The following RARB variants were observed in gnomAD, a reference collection of about 807,000 sequenced individuals.
RARB encodes the protein HBV-activated protein.
RARB carries 17 observed loss-of-function variants against 51.9 expected under a neutral mutation model. That is an observed-to-expected ratio of 0.33 (90% confidence interval 0.22 to 0.49). The LOEUF (loss-of-function observed/expected upper bound fraction) is 0.49. Among genes scored for constraint, RARB ranks in the 20% least tolerant of loss-of-function variants. RARB has a pLI of 0.99. For missense variants in RARB, 369 were observed against 550.8 expected, an observed-to-expected ratio of 0.67 and a Z score of 3.30; for synonymous variants, 215 against 195.4, an observed-to-expected ratio of 1.10 and a Z score of -0.84.
chr3:24,877,346 C>CTTTTTTTTTTTTTTTTTT lies in RARB; in HGVS notation c.-380+18611_-380+18612insTTTTTTTTTTTTTTTTTT, dbSNP rs66976672. Among the ~76,000 whole-genome samples, 196 of 81,876 alleles carry CTTTTTTTTTTTTTTTTTT rather than the reference C, an allele frequency of 2.4e-3. 30 individuals are homozygous for CTTTTTTTTTTTTTTTTTT. Among genetic ancestry groups the CTTTTTTTTTTTTTTTTTT allele is most frequent in the African/African-American group, 6.2e-3 (121 of 19,454 alleles). 53.7% of individuals were successfully genotyped at this position (81,876 alleles called of 152,430 possible). A position where few individuals can be genotyped will look rare whatever the true frequency, so the allele number is the denominator to read the frequency against. On this transcript the variant is annotated intron_variant, in intron 2 of 11. Transcript: ENST00000383772. ...ATAGTAATTTTTTAAAGCAATCTTA[C>CTTTTTTTTTTTTTTTTTT]TTTTTTTTTTTTTTTTTGGAAAATT...
chr3:25,299,865 G>GC (rs1375787554), intron 5 of RARB, among the ~76,000 whole-genome samples: 2 of 152,090 alleles, frequency 1.3e-5, no homozygotes, highest in African/African-American at 4.8e-5. Context: ...ATTTGCTTTT[G>GC]CCCCCTTGCA....
intron 5 of RARB, among the ~76,000 whole-genome samples, chr3:25,202,431 C>T (rs925351887): frequency 5.3e-5 from 8 of 152,018 alleles, no homozygotes; most frequent in African/African-American, 1.7e-4. Context: ...GTGTCTCTAT[C>T]TCCTTCAGTT....
Position 24,868,417 on chromosome 3 carries a change from G to A in RARB, c.-380+9665G>A, listed in dbSNP as rs73047620. The stretch of plus-strand genomic sequence containing the variant: ...AAATACTTTATATATTAACTCTGTC[G>A]TGGCTACTTTCCATTTCTATTTTTG... On this transcript the variant is annotated intron_variant, in intron 2 of 11. Transcript: ENST00000383772. 2.4e-3 allele frequency among the ~76,000 whole-genome samples: 359 copies of A among 152,058 alleles called. 2 individuals are homozygous for A. The highest frequency in any genetic ancestry group is 0.011 in the South Asian group (53 of 4,816).
intron 2 of RARB, among the ~76,000 whole-genome samples, chr3:24,862,304 A>T (rs1316036187): frequency 6.6e-6 from 1 of 152,192 alleles, no homozygotes. Flanking sequence ...AAAAAGTATA[A>T]GGTAGCGAAT....
chr3:25,067,389 A>G (rs1698683797), intron 3 of RARB, among the ~76,000 whole-genome samples: 2 of 152,252 alleles, frequency 1.3e-5, no homozygotes, highest in South Asian at 4.1e-4. Flanking sequence ...GAAAAGTTCA[A>G]GATGGAGGAA....
At chr3:24,953,610 T>C (rs1186046807) in intron 2 of RARB, among the ~76,000 whole-genome samples, 1 of 152,146 alleles carries the variant, frequency 6.6e-6, no homozygotes, top group Non-Finnish European at 1.5e-5. Flanking sequence ...GGATGATAGA[T>C]AGCTAGATGA....
At chr3:24,924,598 T>C (rs570296563) in intron 2 of RARB, among the ~76,000 whole-genome samples, 15 of 152,300 alleles carry the variant, frequency 9.8e-5, no homozygotes, top group Admixed American at 8.5e-4. Flanking sequence ...CTATGAATAT[T>C]TTTACTCAGT....
chr3:25,319,367 T>C (rs1207495652), intron 5 of RARB, among the ~76,000 whole-genome samples: 1 of 152,228 alleles, frequency 6.6e-6, no homozygotes, highest in African/African-American at 2.4e-5. Flanking sequence ...CCTGGAAAGA[T>C]AACTAGTTTC....
chr3:25,201,722 C>T (rs1701395241), intron 5 of RARB, among the ~76,000 whole-genome samples: 1 of 152,070 alleles, frequency 6.6e-6, no homozygotes, highest in African/African-American at 2.4e-5. Flanking sequence ...TGTTTATATG[C>T]TGGATTATGT....
Position 25,597,660 on chromosome 3 carries a change from T to A in RARB, c.*1044T>A, listed in dbSNP as rs1264868493. ...TTAACAACTCCCAAAGAAACAGGCA[T>A]AGAATCTGCCTCCTTTGACCTTGTT... On this transcript the variant is annotated 3_prime_UTR_variant, in exon 8 of 8. Transcript: ENST00000330688. 6.7e-6 allele frequency: 1 copy of A among 149,928 alleles called. No individual in the cohort carries two copies. The highest frequency in any genetic ancestry group is 2.4e-5 in the African/African-American group (1 of 41,030). The allele number at this position is 149,928 out of a possible 1,614,324, so 9.3% of individuals were successfully genotyped here.
At chr3:25,573,306 C>T (rs1700784346) in intron 4 of RARB, among the ~76,000 whole-genome samples, 2 of 152,192 alleles carry the variant, frequency 1.3e-5, no homozygotes, top group African/African-American at 4.8e-5. Context: ...CCCTGCAGGC[C>T]TCCAGGGCCC....
chr3:25,104,797 A>G (rs921801030), intron 3 of RARB, among the ~76,000 whole-genome samples: 1 of 152,264 alleles, frequency 6.6e-6, no homozygotes, highest in Non-Finnish European at 1.5e-5. Context: ...ATGTGTAACT[A>G]CATGCCACAA....
chr3:25,379,501 T>C (rs1054357916), intron 5 of RARB, among the ~76,000 whole-genome samples: 5 of 152,220 alleles, frequency 3.3e-5, no homozygotes, highest in African/African-American at 1.2e-4. Flanking sequence ...TTGAATTTCC[T>C]AGGAAGATTT....
intron 4 of RARB, among the ~76,000 whole-genome samples, chr3:25,165,784 C>T (rs990674561): frequency 5.9e-5 from 9 of 152,250 alleles, no homozygotes; most frequent in Admixed American, 3.3e-4. Flanking sequence ...AGCATTGACT[C>T]CCTAAAAACC....
chr3:24,831,790 C>A (rs575325361), intron 1 of RARB, among the ~76,000 whole-genome samples: 1 of 152,136 alleles, frequency 6.6e-6, no homozygotes, highest in East Asian at 1.9e-4. Context: ...GTAGCTTTAA[C>A]AATATATACG....
chr3:25,023,746 T>G (rs1183171768), intron 2 of RARB, among the ~76,000 whole-genome samples: 1 of 152,158 alleles, frequency 6.6e-6, no homozygotes, highest in South Asian at 2.1e-4. Flanking sequence ...TTCTGTGAGG[T>G]TATCCAGTGA....
chr3:25,012,433 T>G (rs1053469596), intron 2 of RARB, among the ~76,000 whole-genome samples: 5 of 152,128 alleles, frequency 3.3e-5, no homozygotes, highest in Admixed American at 6.6e-5. Flanking sequence ...ACAAGCTCCA[T>G]GTGCATCCAG....
chr3:25,185,823 T>C (rs1700961459), intron 5 of RARB, among the ~76,000 whole-genome samples: 1 of 152,118 alleles, frequency 6.6e-6, no homozygotes, highest in Admixed American at 6.6e-5. Context: ...AAATAACAAA[T>C]CAAAGAATTC....
chr3:24,915,494 G>A (rs2125382914), intron 2 of RARB, among the ~76,000 whole-genome samples: 1 of 152,228 alleles, frequency 6.6e-6, no homozygotes, highest in African/African-American at 2.4e-5. Flanking sequence ...CTATCATACT[G>A]GACAGGGACA....
Sources: gnomAD v4.1 joint callset for allele counts (sites outside exome capture counted in the v4.1 genomes callset) on GRCh38, gnomAD v4.1.1 for gene constraint, MANE v1.5 for transcripts, NCBI Gene and HGNC (gene_info 2026-07-23, HGNC 2026-07-21) for gene names.